The following HTR7 variants were observed in gnomAD, a reference collection of about 807,000 sequenced individuals.
The protein encoded by HTR7 is 5-hydroxytryptamine receptor 7.
A neutral mutation model predicts 34.0 loss-of-function variants in HTR7; 16 were observed. That is an observed-to-expected ratio of 0.47 (90% CI 0.32 to 0.71). The LOEUF is 0.71. Among genes scored for constraint, HTR7 ranks in the 30% least tolerant of loss-of-function variants. The probability of loss-of-function intolerance (pLI) is 0.04; values close to 1 mark genes in which losing one functional copy is unlikely to be tolerated. For missense variants in HTR7, 504 were observed against 625.5 expected (o/e 0.81, Z 2.07); for synonymous variants, 265 against 260.2 (o/e 1.02, Z -0.18).
chr10:90,800,572 C>T (rs979483034), intron 1 of HTR7, among the ~76,000 whole-genome samples: 1 of 151,180 alleles, frequency 6.6e-6, no homozygotes, highest in African/African-American at 2.4e-5. Context: ...TGAGATTAAT[C>T]ATTCCTTCAC....
chr10:90,773,345 A>C (rs1210577048), intron 1 of HTR7, among the ~76,000 whole-genome samples: 2 of 152,136 alleles, frequency 1.3e-5, no homozygotes, highest in African/African-American at 4.8e-5. Context: ...TGGGTACATA[A>C]TAGGTGTATA....
chr10:90,821,953 T>C (rs1418459633), intron 1 of HTR7, among the ~76,000 whole-genome samples: 1 of 152,200 alleles, frequency 6.6e-6, no homozygotes, highest in Non-Finnish European at 1.5e-5. Flanking sequence ...CCATGCCTCC[T>C]GTACAGCCTT....
At chr10:90,824,371 T>C (rs1196539512) in intron 1 of HTR7, among the ~76,000 whole-genome samples, 2 of 152,214 alleles carry the variant, frequency 1.3e-5, no homozygotes, top group Non-Finnish European at 2.9e-5. Flanking sequence ...TCAGCAGTGG[T>C]ATCTAGGTAG....
At chr10:90,801,800 T>C (rs11186309) in intron 1 of HTR7, among the ~76,000 whole-genome samples, 42,299 of 152,158 alleles carry the variant, frequency 0.28, 6,393 homozygotes, top group African/African-American at 0.4. Context: ...TTGTGCAATC[T>C]GATTGAACAG....
intron 1 of HTR7, among the ~76,000 whole-genome samples, chr10:90,843,369 A>C (rs1315314781): frequency 1.3e-5 from 2 of 152,226 alleles, no homozygotes; most frequent in South Asian, 4.1e-4. Context: ...TTTACAAACC[A>C]TTAATTACAA....
chr10:90,743,450 C>T, intron 3 of HTR7, 143 bp downstream of exon 3: 1 of 685,564 alleles, frequency 1.5e-6, no homozygotes, highest in South Asian at 1.8e-5. Context: ...AGACACATTC[C>T]TAGCCCAGGG....
chr10:90,778,034 T>G (rs1845246698), intron 1 of HTR7, among the ~76,000 whole-genome samples: 1 of 152,204 alleles, frequency 6.6e-6, no homozygotes, highest in African/African-American at 2.4e-5. Flanking sequence ...TCCCCTAAAG[T>G]TGATTCTAAC....
intron 1 of HTR7, among the ~76,000 whole-genome samples, chr10:90,766,470 T>TTA (rs1554853512): frequency 2.6e-5 from 4 of 152,212 alleles, no homozygotes; most frequent in African/African-American, 9.7e-5. Flanking sequence ...TCTTATTTTT[T>TTA]ATCCATTCAG....
chr10:90,818,987 A>T (rs1488189841), intron 1 of HTR7, among the ~76,000 whole-genome samples: 1 of 152,142 alleles, frequency 6.6e-6, no homozygotes, highest in East Asian at 1.9e-4. Flanking sequence ...ACCATGATTG[A>T]AAGTTTCCTG....
At chr10:90,779,357 T>C (rs1208511573) in intron 1 of HTR7, among the ~76,000 whole-genome samples, 8 of 152,218 alleles carry the variant, frequency 5.3e-5, no homozygotes, top group Non-Finnish European at 1.5e-5. Context: ...GATGTGATTG[T>C]GAGAAGTGGG....
chr10:90,812,870 C>T (rs1174184569), intron 1 of HTR7, among the ~76,000 whole-genome samples: 1 of 152,220 alleles, frequency 6.6e-6, no homozygotes, highest in Non-Finnish European at 1.5e-5. Context: ...CATATTCGCC[C>T]AGATGGCCTG....
Position 90,748,857 on chromosome 10 carries a change from T to C in HTR7, c.1277A>G (p.Glu426Gly), listed in dbSNP as rs1366082309. ...ACCTTACAGCACAAACTCAGGTCTC[T>C]CTGGCCTCTCAGCAAGCTTCAGGGC... is the stretch of plus-strand genomic sequence containing the variant. ...HEALKLAERP[E>G]RPEFVLRACT... Residue 426 changes from glutamate to glycine, a missense_variant, in exon 2 of 4, where the codon GAG (glutamate) becomes GGG (glycine). Transcript: ENST00000336152. 1.2e-6 allele frequency: 2 copies of C among 1,613,720 alleles called. No individual in the cohort carries two copies. The highest frequency in any genetic ancestry group is 4.5e-5 in the East Asian group (2 of 44,880).
chr10:90,851,444 A>G (rs1408764628), intron 1 of HTR7, among the ~76,000 whole-genome samples: 1 of 151,826 alleles, frequency 6.6e-6, no homozygotes, highest in Admixed American at 6.6e-5. Context: ...GTCTCTACTA[A>G]AAATACAAAA....
At chr10:90,834,155 G>A (rs1846219987) in intron 1 of HTR7, among the ~76,000 whole-genome samples, 1 of 152,154 alleles carries the variant, frequency 6.6e-6, no homozygotes, top group Non-Finnish European at 1.5e-5. Context: ...AGCTACTGGT[G>A]CACACACACA....
chr10:90,748,324 C>T (rs1844671640), intron 2 of HTR7, among the ~76,000 whole-genome samples: 1 of 152,136 alleles, frequency 6.6e-6, no homozygotes, highest in Non-Finnish European at 1.5e-5. Context: ...GACCTTGCCT[C>T]ATCCTGGCAT....
At chr10:90,829,294 C>A (rs983657303) in intron 1 of HTR7, among the ~76,000 whole-genome samples, 4 of 152,234 alleles carry the variant, frequency 2.6e-5, no homozygotes, top group Admixed American at 6.5e-5. Context: ...TAGTATGATA[C>A]TGAATGGGGA....
chr10:90,793,792 C>T (rs961479218), intron 1 of HTR7, among the ~76,000 whole-genome samples: 2 of 152,166 alleles, frequency 1.3e-5, no homozygotes, highest in Non-Finnish European at 2.9e-5. Context: ...GACAGTGCAG[C>T]TTTCAGTCTG....
intron 1 of HTR7, among the ~76,000 whole-genome samples, chr10:90,763,117 G>A (rs1405048233): frequency 2.0e-5 from 3 of 152,056 alleles, no homozygotes; most frequent in South Asian, 4.2e-4. Context: ...TGTCTGTCTG[G>A]GGTCTTTTCT....
At chr10:90,750,584 T>C (rs1844718250) in intron 1 of HTR7, among the ~76,000 whole-genome samples, 1 of 152,242 alleles carries the variant, frequency 6.6e-6, no homozygotes. Context: ...CATTTTGTTG[T>C]TGTTTTTACT....
Sources: gnomAD v4.1 joint callset for allele counts (sites outside exome capture counted in the v4.1 genomes callset) on GRCh38, gnomAD v4.1.1 for gene constraint, MANE v1.5 for transcripts, NCBI Gene and HGNC (gene_info 2026-07-23, HGNC 2026-07-21) for gene names.